SATL1: variants seen among roughly 807,000 people sequenced by gnomAD.
SATL1 encodes spermidine/spermine N(1)-acetyltransferase-like protein 1.
A neutral mutation model predicts 51.8 loss-of-function variants in SATL1; 47 were observed. The ratio of observed to expected loss-of-function variants is 0.91; its 90% CI spans 0.72 to 1.16. The LOEUF is 1.16. Ranked by LOEUF, SATL1 falls within the 50% of genes most tolerant of loss-of-function variation. The probability of loss-of-function intolerance (pLI) is 0.00; values close to 1 mark genes in which losing one functional copy is unlikely to be tolerated. For synonymous variants in SATL1, 176 were observed against 182.4 expected (o/e 0.97, Z 0.28); for missense variants, 520 against 526.4 (o/e 0.99, Z 0.12).
chrX:85,143,614 G>A (rs994117463), intron 2 of SATL1: 2 of 111,704 alleles, frequency 1.8e-5, no homozygotes, highest in African/African-American at 3.2e-5. Flanking sequence ...TAAGGAACTA[G>A]ACAGTATTAC....
At chrX:85,180,993 A>G in intron 2 of SATL1, among the ~76,000 whole-genome samples, 1 of 110,106 alleles carries the variant, frequency 9.1e-6, no homozygotes, top group Middle Eastern at 4.7e-3. Context: ...AAAGATGAGA[A>G]CTGCTGCTGG....
At position 85,094,354 on chromosome X, in the gene SATL1, T is replaced by A. The variant is rs922161308; in HGVS notation, c.1775-125A>T. 178 of 451,293 alleles carry A rather than the reference T, an allele frequency of 3.9e-4. 2 individuals are homozygous for A. Among genetic ancestry groups the A allele is most frequent in the Non-Finnish European group, 1.3e-4 (32 of 253,151 alleles). 37.2% of individuals were successfully genotyped at this position (451,293 alleles called of 1,213,427 possible). A position where few individuals can be genotyped will look rare whatever the true frequency, so the allele number is the denominator to read the frequency against. ...GTAATAAATGCTCACTGGAAAAAAATAACAATACAAAAACATATAGTGTAG... is the reference window on the plus strand; with the variant it reads ...GTAATAAATGCTCACTGGAAAAAAAAAACAATACAAAAACATATAGTGTAG... On this transcript the variant is annotated intron_variant, in intron 5 of 7. Transcript: ENST00000644105.
chrX:85,236,391 G>C (rs1459184839), intron 1 of SATL1, among the ~76,000 whole-genome samples: 2 of 110,697 alleles, frequency 1.8e-5, no homozygotes, highest in Non-Finnish European at 3.8e-5. Flanking sequence ...AAAAGTAAGG[G>C]TACAAGTTAA....
chrX:85,094,097 TTAAAAG>T (rs764066459), intron 6 of SATL1, 25 bp downstream of exon 6: 35 of 779,660 alleles, frequency 4.5e-5, no homozygotes, highest in East Asian at 2.9e-4. Context: ...TTTAAAGTAT[TTAAAAG>T]TAATATCATA....
chrX:85,101,806 A>G (rs754058628), intron 4 of SATL1, among the ~76,000 whole-genome samples: 3 of 111,378 alleles, frequency 2.7e-5, no homozygotes, highest in African/African-American at 9.8e-5. Context: ...TATATCTCAC[A>G]TTATATATAT....
In SATL1 at chrX:85,103,790, C is replaced by G; in HGVS notation, c.1693+74G>C. On this transcript the variant is annotated intron_variant, in intron 4 of 7. Transcript: ENST00000644105. ...TGGTGTCATCTTTATGTACCAAGAA[C>G]AATAGCTTCCACATATCTAAGTAGT... The G allele has an allele frequency of 4.2e-6, 3 of 718,808 alleles. No individual in the cohort carries two copies. The South Asian group carries it at 6.9e-5, about 17-fold the overall frequency. 59.2% of individuals were successfully genotyped at this position (718,808 alleles called of 1,213,427 possible). A position where few individuals can be genotyped will look rare whatever the true frequency, so the allele number is the denominator to read the frequency against.
At chrX:85,093,694 G>A (rs185659112) in intron 6 of SATL1, among the ~76,000 whole-genome samples, 42 of 111,279 alleles carry the variant, frequency 3.8e-4, no homozygotes, top group African/African-American at 1.3e-3. Flanking sequence ...CACAGACCCT[G>A]TTTCTCCAAA....
At position 85,198,131 on chromosome X, in the gene SATL1, G is replaced by A. The variant is rs150989968; in HGVS notation, c.-313+26074C>T. ...TATTTTACTTAACATAATGTCCTCC[G>A]GTTTCGTCTGTGTTTTTGTGCATGA... On this transcript the variant is annotated intron_variant, in intron 2 of 7. Coordinates refer to ENST00000644105, the MANE Select transcript of SATL1 (RefSeq NM_001367857.2). Among the ~76,000 whole-genome samples, 261 of 111,054 alleles carry A rather than the reference G, an allele frequency of 2.4e-3. 3 individuals are homozygous for A. Among genetic ancestry groups the A allele is most frequent in the Middle Eastern group, 9.2e-3 (2 of 218 alleles).
At chrX:85,140,385 A>C (rs1437774126) in intron 2 of SATL1, among the ~76,000 whole-genome samples, 1 of 111,893 alleles carries the variant, frequency 8.9e-6, no homozygotes, top group Non-Finnish European at 1.9e-5. Context: ...ATTATATTTT[A>C]ATTTCTACTT....
At chrX:85,214,871 T>C (rs942172231) in intron 2 of SATL1, among the ~76,000 whole-genome samples, 2 of 111,760 alleles carry the variant, frequency 1.8e-5, no homozygotes, top group African/African-American at 6.5e-5. Flanking sequence ...CTGGGCACAC[T>C]GGTAGGCAGG....
At chrX:85,152,110 A>C (rs1157279983) in intron 2 of SATL1, among the ~76,000 whole-genome samples, 1 of 111,521 alleles carries the variant, frequency 9.0e-6, no homozygotes, top group Admixed American at 9.5e-5. Context: ...GAACTCAAAC[A>C]AATTTACAAG....
At chrX:85,191,631 T>C (rs1927441504) in intron 2 of SATL1, among the ~76,000 whole-genome samples, 1 of 112,017 alleles carries the variant, frequency 8.9e-6, no homozygotes, top group Non-Finnish European at 1.9e-5. Context: ...ATGTTATATG[T>C]ATTATATACT....
chrX:85,133,696 C>G (rs1178927511), intron 2 of SATL1, among the ~76,000 whole-genome samples: 4 of 111,779 alleles, frequency 3.6e-5, no homozygotes, highest in Non-Finnish European at 7.5e-5. Flanking sequence ...AACCAGGTAC[C>G]TCATTTGGAA....
intron 2 of SATL1, among the ~76,000 whole-genome samples, chrX:85,220,133 A>G (rs1413755406): frequency 9.0e-6 from 1 of 110,593 alleles, no homozygotes; most frequent in Non-Finnish European, 1.9e-5. Context: ...CATCAAACTC[A>G]GTGCTGTCCT....
chrX:85,105,367 C>G (rs1925013950), intron 3 of SATL1, among the ~76,000 whole-genome samples: 1 of 111,138 alleles, frequency 9.0e-6, no homozygotes, highest in South Asian at 3.8e-4. Context: ...GACTGTAATC[C>G]AAGAATCCTT....
chrX:85,116,717 C>T (rs1242076247), intron 2 of SATL1, among the ~76,000 whole-genome samples: 8 of 111,119 alleles, frequency 7.2e-5, no homozygotes, highest in Non-Finnish European at 1.5e-4. Flanking sequence ...GGTCGCCTGA[C>T]ATTCCTGGAG....
chrX:85,220,334 G>T (rs1178025494), intron 2 of SATL1, among the ~76,000 whole-genome samples: 1 of 109,288 alleles, frequency 9.2e-6, no homozygotes, highest in Non-Finnish European at 1.9e-5. Flanking sequence ...TAGGCCACAG[G>T]GACTACAACT....
In SATL1 at chrX:85,149,796, C is replaced by G. The variant is rs1926371731; in HGVS notation, c.-312-40516G>C. Among the ~76,000 whole-genome samples, 5 of 111,522 alleles carry G rather than the reference C, an allele frequency of 4.5e-5. No individual in the cohort carries two copies. The Admixed American group carries it at 4.8e-4, about 11-fold the overall frequency. ...ACAAAGACACAACATACCAGAATCT[C>G]TGGGACACATTCAAAGCAGTATGTA... On this transcript the variant is annotated intron_variant, in intron 2 of 7. Coordinates refer to ENST00000644105, the MANE Select transcript of SATL1 (RefSeq NM_001367857.2).
chrX:85,161,644 T>C (rs992894962), intron 2 of SATL1, among the ~76,000 whole-genome samples: 2 of 110,945 alleles, frequency 1.8e-5, no homozygotes, highest in Admixed American at 1.9e-4. Flanking sequence ...ATGCAGCCAA[T>C]ACAGAAGCAT....
Sources: allele counts gnomAD v4.1 joint callset (sites outside exome capture counted in the v4.1 genomes callset), GRCh38; gene constraint gnomAD v4.1.1; transcripts MANE v1.5; gene names NCBI Gene and HGNC (gene_info 2026-07-23, HGNC 2026-07-21).